Variants in CRYBG1 observed in about 807,000 individuals in gnomAD.
CRYBG1 encodes the protein crystallin beta-gamma domain containing 1.
A neutral mutation model predicts 189.2 loss-of-function variants in CRYBG1; 139 were observed. That is an observed-to-expected ratio of 0.73 (90% CI 0.64 to 0.85). The LOEUF is 0.85. Ranked by LOEUF, CRYBG1 falls within the 40% of genes least tolerant of loss-of-function variation. The pLI is 0.00. For synonymous variants in CRYBG1, 1,023 were observed against 1,017.1 expected (o/e 1.01, Z -0.11); for missense variants, 2,611 against 2,675.8 (o/e 0.98, Z 0.53).
At chr6:106,384,652 C>T (rs1054756767) in intron 1 of CRYBG1, among the ~76,000 whole-genome samples, 3 of 152,094 alleles carry the variant, frequency 2.0e-5, no homozygotes, top group African/African-American at 7.2e-5. Flanking sequence ...GCTTTTGTGG[C>T]AATCTCAGAA....
intron 2 of CRYBG1, among the ~76,000 whole-genome samples, chr6:106,508,133 C>T (rs898998516): frequency 3.9e-5 from 6 of 152,170 alleles, no homozygotes; most frequent in Non-Finnish European, 2.9e-5. Context: ...GTCTCAGCTA[C>T]TTGGGAAGCT....
intron 18 of CRYBG1, among the ~76,000 whole-genome samples, chr6:106,559,047 G>C (rs1774633562): frequency 1.3e-5 from 2 of 151,974 alleles, no homozygotes; most frequent in African/African-American, 4.8e-5. Context: ...TTTTTGTAAG[G>C]GTTAATAATT....
chr6:106,552,177 T>A lies in CRYBG1; in HGVS notation c.5440-7T>A, dbSNP rs756069622. The A allele has an allele frequency of 2.5e-5, 39 of 1,585,896 alleles. No homozygotes were observed. The highest frequency in any genetic ancestry group is 4.5e-5 in the East Asian group (2 of 44,434). ...TTTCCTTTTCTCCTTCCTTTAAAAA[T>A]TTTTAGGATTCTTTCACTGGCCCAA... is the stretch of plus-strand genomic sequence containing the variant. On this transcript the variant is annotated splice_region_variant and splice_polypyrimidine_tract_variant and intron_variant, in intron 14 of 21. Transcript: ENST00000633556.
At chr6:106,483,859 C>G (rs1772531745) in intron 2 of CRYBG1, among the ~76,000 whole-genome samples, 1 of 152,100 alleles carries the variant, frequency 6.6e-6, no homozygotes, top group African/African-American at 2.4e-5. Flanking sequence ...ATTTTAAAAT[C>G]AGGTGATTTG....
chr6:106,452,358 G>A (rs902882062), intron 2 of CRYBG1, among the ~76,000 whole-genome samples: 1 of 150,710 alleles, frequency 6.6e-6, no homozygotes, highest in African/African-American at 2.4e-5. Flanking sequence ...AGGAGGTGGA[G>A]GTTGTGGTGG....
chr6:106,531,636 T>C (rs1315330860), intron 8 of CRYBG1, among the ~76,000 whole-genome samples: 3 of 148,242 alleles, frequency 2.0e-5, no homozygotes, highest in Admixed American at 1.3e-4. Flanking sequence ...GGTACCTCCT[T>C]TACGACAGTT....
intron 2 of CRYBG1, among the ~76,000 whole-genome samples, chr6:106,493,916 T>C (rs1418905920): frequency 1.3e-5 from 2 of 152,024 alleles, no homozygotes; most frequent in Admixed American, 1.3e-4. Flanking sequence ...TTTACCCATG[T>C]AACAAACCTG....
At position 106,560,913 on chromosome 6, in the gene CRYBG1, G is replaced by A. The variant is rs753275483; in HGVS notation, c.5966G>A (p.Arg1989Gln). Residue 1989 changes from arginine (R) to glutamine (Q), a missense_variant, in exon 19 of 22, where the codon CGA becomes CAA. Around this residue, in one of 3 missense-constraint regions of CRYBG1, gnomAD observed 1,622 missense variants for 1,735.0 expected, o/e 0.93. Transcript: ENST00000633556. ...FSGCRQIGSL[R>Q]PFVQKRIYFR... ...GGCTGTCGCCAAATAGGTTCTCTAC[G>A]ACCTTTTGTTCAGGTATTTTCTTCC... The A allele has an allele frequency of 1.6e-5, 26 of 1,607,386 alleles. No homozygotes were observed. The highest frequency in any genetic ancestry group is 2.0e-5 in the Non-Finnish European group (24 of 1,177,042).
intron 1 of CRYBG1, among the ~76,000 whole-genome samples, chr6:106,403,438 A>G (rs9320162): frequency 0.72 from 109,228 of 152,174 alleles, 40,086 homozygotes; most frequent in African/African-American, 0.88. Context: ...GTTGTGCAAG[A>G]CCCTGTAGTT....
chr6:106,392,113 C>T (rs1003203631), intron 1 of CRYBG1, among the ~76,000 whole-genome samples: 2 of 152,028 alleles, frequency 1.3e-5, no homozygotes, highest in Admixed American at 6.6e-5. Flanking sequence ...GCTCTCAGTG[C>T]GATGAGGTTT....
intron 2 of CRYBG1, among the ~76,000 whole-genome samples, chr6:106,455,094 G>T (rs1458922200): frequency 6.6e-6 from 1 of 152,078 alleles, no homozygotes; most frequent in Non-Finnish European, 1.5e-5. Context: ...AATCATCAGG[G>T]ATTGTATATT....
chr6:106,555,698 A>T (rs1244420315), intron 16 of CRYBG1, 70 bp from the exon 17 acceptor site: 4 of 1,554,800 alleles, frequency 2.6e-6, no homozygotes, highest in Non-Finnish European at 3.5e-6. Context: ...CACCTCTAAA[A>T]ATCAGACTTC....
chr6:106,476,167 T>C (rs531070819), intron 2 of CRYBG1, among the ~76,000 whole-genome samples: 2 of 152,350 alleles, frequency 1.3e-5, no homozygotes, highest in South Asian at 4.1e-4. Flanking sequence ...AATATAATTA[T>C]CTTAACCTTG....
chr6:106,552,423 TAAAAAGACA>T, intron 15 of CRYBG1: 1 of 255,936 alleles, frequency 3.9e-6, no homozygotes, highest in Non-Finnish European at 7.4e-6. Flanking sequence ...CCGTCTTTAC[TAAAAAGACA>T]AAAATTAGCT....
intron 1 of CRYBG1, among the ~76,000 whole-genome samples, chr6:106,428,894 G>A (rs1771275465): frequency 6.6e-6 from 1 of 152,188 alleles, no homozygotes; most frequent in South Asian, 2.1e-4. Flanking sequence ...GTTCTCAGTT[G>A]AGGCATCTTC....
intron 1 of CRYBG1, among the ~76,000 whole-genome samples, chr6:106,437,963 T>C (rs1771493547): frequency 6.6e-6 from 1 of 152,250 alleles, no homozygotes; most frequent in Admixed American, 6.5e-5. Flanking sequence ...TCAGTACTTC[T>C]TGATTTTATT....
Position 106,520,441 on chromosome 6 carries a change from C to T in CRYBG1, c.3233C>T (p.Thr1078Ile), listed in dbSNP as rs1309608307. Residue 1078 changes from threonine to isoleucine, a missense_variant, in exon 4 of 22, where the codon ACA becomes ATA. Transcript: ENST00000633556. ...CCTCAAAGGCCAGATCAGACTGTTA[C>T]AAATGGCCAGGATAGCCCTGCCAGC... ...ATPQRPDQTV[T>I]NGQDSPASLL... 6.2e-7 allele frequency: 1 copy of T among 1,614,160 alleles called. No homozygotes were observed. The highest frequency in any genetic ancestry group is 2.2e-5 in the East Asian group (1 of 44,892).
At chr6:106,530,125 A>G (rs1163264306) in intron 7 of CRYBG1, 51 bp from the exon 8 acceptor site, 4 of 1,472,196 alleles carry the variant, frequency 2.7e-6, no homozygotes, top group African/African-American at 2.8e-5. Context: ...CTTACTAGAG[A>G]GTGAAATACA....
At chr6:106,416,489 T>C (rs971057163) in intron 1 of CRYBG1, among the ~76,000 whole-genome samples, 1 of 152,212 alleles carries the variant, frequency 6.6e-6, no homozygotes, top group Non-Finnish European at 1.5e-5. Flanking sequence ...AGGTTAAAAA[T>C]GGGGCCTGAC....
Sources: gnomAD v4.1 joint callset for allele counts (sites outside exome capture counted in the v4.1 genomes callset) on GRCh38, gnomAD v4.1.1 for gene constraint, gnomAD v4.1.1 regional missense constraint, MANE v1.5 for transcripts, NCBI Gene and HGNC (gene_info 2026-07-23, HGNC 2026-07-21) for gene names.